The following ERC1 variants were observed in gnomAD, a reference collection of about 807,000 sequenced individuals.
ERC1 encodes RAB6 interacting protein 2.
A neutral mutation model predicts 132.0 loss-of-function variants in ERC1; 56 were observed. That is an observed-to-expected ratio of 0.42 (90% CI 0.34 to 0.53). ERC1 has a LOEUF of 0.53. Ranked by LOEUF, ERC1 falls within the 20% of genes least tolerant of loss-of-function variation. The pLI, the probability that ERC1 is intolerant of heterozygous loss-of-function variation, is 0.03. For missense variants in ERC1, 1,202 were observed against 1,349.9 expected (o/e 0.89, Z 1.72); for synonymous variants, 478 against 476.1 (o/e 1.00, Z -0.05).
intron 18 of ERC1, among the ~76,000 whole-genome samples, chr12:1,460,958 CTTT>C (rs35505633): frequency 2.0e-4 from 13 of 64,950 alleles, no homozygotes; most frequent in African/African-American, 6.1e-4. Flanking sequence ...TGAGGAGGCC[CTTT>C]TTTTTTTTTT....
chr12:1,349,202 G>A (rs1044786562), intron 15 of ERC1, among the ~76,000 whole-genome samples: 1 of 152,174 alleles, frequency 6.6e-6, no homozygotes, highest in African/African-American at 2.4e-5. Flanking sequence ...TTATAACAGA[G>A]TCCCAACACT....
intron 13 of ERC1, among the ~76,000 whole-genome samples, chr12:1,253,468 G>A (rs2154316909): frequency 6.6e-6 from 1 of 152,318 alleles, no homozygotes; most frequent in Non-Finnish European, 1.5e-5. Context: ...CCTGAGGTCA[G>A]GAGTTCGAGA....
intron 4 of ERC1, among the ~76,000 whole-genome samples, chr12:1,107,466 G>A (rs3924361): frequency 0.43 from 65,143 of 151,994 alleles, 17,410 homozygotes; most frequent in East Asian, 0.78. Flanking sequence ...TTCTCTGTGA[G>A]GTTGAACAGG....
intron 12 of ERC1, among the ~76,000 whole-genome samples, chr12:1,228,557 C>T (rs1486737490): frequency 1.3e-5 from 2 of 152,112 alleles, no homozygotes; most frequent in Non-Finnish European, 2.9e-5. Flanking sequence ...TTGACTAGGA[C>T]TTCGAATATT....
At chr12:1,229,228 TGTCCAGGTACA>T (rs1415582426) in intron 12 of ERC1, among the ~76,000 whole-genome samples, 1 of 152,136 alleles carries the variant, frequency 6.6e-6, no homozygotes, top group African/African-American at 2.4e-5. Context: ...TGTCTTCACT[TGTCCAGGTACA>T]GTGTGTAATC....
At chr12:1,092,594 C>A (rs1489019714) in intron 3 of ERC1, among the ~76,000 whole-genome samples, 2 of 152,138 alleles carry the variant, frequency 1.3e-5, no homozygotes, top group Non-Finnish European at 2.9e-5. Context: ...GTTATGAAAA[C>A]AGTTTATGAT....
At chr12:1,405,161 A>AAATAAATAAATGAATG (rs1282294824) in intron 16 of ERC1, among the ~76,000 whole-genome samples, 32 of 138,422 alleles carry the variant, frequency 2.3e-4, no homozygotes, top group African/African-American at 8.4e-4. Flanking sequence ...ATAAATAAAT[A>AAATAAATAAATGAATG]AATAAATAAA....
intron 15 of ERC1, among the ~76,000 whole-genome samples, chr12:1,361,678 A>G (rs2086137964): frequency 6.6e-6 from 1 of 152,216 alleles, no homozygotes; most frequent in African/African-American, 2.4e-5. Context: ...GGTTTTCATG[A>G]AAGTGCCTCC....
chr12:1,012,844 A>G (rs1964921783), intron 1 of ERC1, among the ~76,000 whole-genome samples: 1 of 152,212 alleles, frequency 6.6e-6, no homozygotes, highest in African/African-American at 2.4e-5. Context: ...GAGAGATGAC[A>G]TGCATATATT....
At chr12:1,481,527 G>A (rs16928482) in intron 18 of ERC1, among the ~76,000 whole-genome samples, 5,694 of 152,302 alleles carry the variant, frequency 0.037, 147 homozygotes, top group Non-Finnish European at 0.049. Context: ...TGGATCAAGC[G>A]CCAATGAAAT....
At chr12:1,011,429 C>T (rs1275934980) in intron 1 of ERC1, among the ~76,000 whole-genome samples, 4 of 152,156 alleles carry the variant, frequency 2.6e-5, no homozygotes, top group African/African-American at 9.7e-5. Flanking sequence ...TGGTCTCAAA[C>T]TCCTAGGCTC....
chr12:1,164,327 T>G (rs1333216605), intron 8 of ERC1, among the ~76,000 whole-genome samples: 15 of 144,040 alleles, frequency 1.0e-4, no homozygotes, highest in African/African-American at 1.8e-4. Context: ...ATTTTGTTAT[T>G]TTATTTTATG....
chr12:1,430,399 G>GCAGAGT (rs2092759562), intron 17 of ERC1: 1 of 150,652 alleles, frequency 6.6e-6, no homozygotes, highest in Non-Finnish European at 1.5e-5. Context: ...TTTTTTGGCA[G>GCAGAGT]CAGAGTCTCG....
chr12:1,353,251 C>A (rs573595134), intron 15 of ERC1, among the ~76,000 whole-genome samples: 2 of 151,886 alleles, frequency 1.3e-5, no homozygotes, highest in Non-Finnish European at 2.9e-5. Context: ...AGGATGGTCT[C>A]GATCTCCTGA....
intron 8 of ERC1, among the ~76,000 whole-genome samples, chr12:1,175,726 C>T (rs992519326): frequency 5.3e-5 from 8 of 151,992 alleles, no homozygotes; most frequent in East Asian, 1.9e-4. Context: ...GTAGAGACAG[C>T]GTTTCTCCAT....
At chr12:1,002,160 CTTTTTTTTTTTTTTT>C (rs71055117) in intron 1 of ERC1, among the ~76,000 whole-genome samples, 27 of 38,486 alleles carry the variant, frequency 7.0e-4, no homozygotes, top group African/African-American at 2.0e-3. Context: ...CCATGCCCGG[CTTTTTTTTTTTTTTT>C]TTTTTTTTTT....
chr12:1,184,430 G>C (rs1462855536), intron 11 of ERC1, among the ~76,000 whole-genome samples: 2 of 152,032 alleles, frequency 1.3e-5, no homozygotes, highest in African/African-American at 4.8e-5. Context: ...CTTATGTGTA[G>C]ATTTACATGA....
intron 14 of ERC1, among the ~76,000 whole-genome samples, chr12:1,273,787 A>G (rs1040148633): frequency 1.3e-5 from 2 of 152,196 alleles, no homozygotes; most frequent in Non-Finnish European, 2.9e-5. Context: ...AGATAGATAC[A>G]TGGATATCTA....
intron 3 of ERC1, among the ~76,000 whole-genome samples, chr12:1,092,952 C>T (rs1314041875): frequency 6.6e-6 from 1 of 152,092 alleles, no homozygotes; most frequent in African/African-American, 2.4e-5. Context: ...TGACACTCTG[C>T]CTCAAAAACA....
Sources: gnomAD v4.1 joint callset for allele counts (sites outside exome capture counted in the v4.1 genomes callset) on GRCh38, gnomAD v4.1.1 for gene constraint, MANE v1.5 for transcripts, NCBI Gene and HGNC (gene_info 2026-07-23, HGNC 2026-07-21) for gene names.